GSG1L: variants seen among roughly 807,000 people sequenced by gnomAD.
GSG1L encodes the protein GSG1 like.
GSG1L carries 24 observed loss-of-function variants against 42.1 expected under a neutral mutation model. The observed-to-expected ratio is 0.57, with a 90% CI of 0.41 to 0.80. The LOEUF (loss-of-function observed/expected upper bound fraction) is 0.80, where lower values mean the gene tolerates loss of function less well. Ranked by LOEUF, GSG1L falls within the 30% of genes least tolerant of loss-of-function variation. GSG1L has a pLI of 0.00. For synonymous variants in GSG1L, 215 were observed against 203.5 expected, an observed-to-expected ratio of 1.06 and a Z score of -0.48; for missense variants, 445 against 472.2, an observed-to-expected ratio of 0.94 and a Z score of 0.53.
chr16:27,968,176 T>C (rs1440042581), intron 1 of GSG1L, among the ~76,000 whole-genome samples: 2 of 152,170 alleles, frequency 1.3e-5, no homozygotes, highest in Non-Finnish European at 2.9e-5. Context: ...ATATTAAGTA[T>C]TAAGCATTTT....
At chr16:27,870,403 A>T (rs1424108333) in intron 3 of GSG1L, among the ~76,000 whole-genome samples, 1 of 109,450 alleles carries the variant, frequency 9.1e-6, no homozygotes, top group Non-Finnish European at 2.0e-5. Flanking sequence ...GTCTCCCTCC[A>T]TCTCTCTCTC....
rs936539069 is a variant in GSG1L, at chr16:27,946,163, G to A, written c.397+16993C>T. The stretch of plus-strand genomic sequence containing the variant: ...TACGTCACTTTGCTGTGTGACCTCA[G>A]GCAAGTGGCTCAACTTCTCTGAGTC... On this transcript the variant is annotated intron_variant, in intron 2 of 6. Coordinates refer to ENST00000447459, the MANE Select transcript of GSG1L (RefSeq NM_001109763.2). Among the ~76,000 whole-genome samples the A allele has an allele frequency of 5.9e-5, 9 of 152,338 alleles. No homozygotes were observed. In the Middle Eastern group the frequency reaches 0.01, roughly 173 times the overall value.
intron 2 of GSG1L, among the ~76,000 whole-genome samples, chr16:27,907,884 C>A (rs569487714): frequency 5.3e-5 from 8 of 152,300 alleles, no homozygotes; most frequent in African/African-American, 1.7e-4. Flanking sequence ...TTCCCATTGG[C>A]CCACTCTTGC....
At chr16:27,808,904 A>G (rs567805757) in intron 5 of GSG1L, among the ~76,000 whole-genome samples, 18 of 152,310 alleles carry the variant, frequency 1.2e-4, no homozygotes, top group African/African-American at 4.3e-4. Context: ...CAGTGGAGGC[A>G]GGTGCATGGC....
intron 4 of GSG1L, among the ~76,000 whole-genome samples, chr16:27,832,200 T>G (rs1363559646): frequency 6.6e-6 from 1 of 152,214 alleles, no homozygotes; most frequent in Non-Finnish European, 1.5e-5. Flanking sequence ...CACAAACAGC[T>G]GTAAGAAATG....
chr16:28,027,191 A>G (rs2085909270), intron 1 of GSG1L, among the ~76,000 whole-genome samples: 1 of 152,224 alleles, frequency 6.6e-6, no homozygotes, highest in Admixed American at 6.5e-5. Flanking sequence ...TTCTGGAAAC[A>G]TATGCCATGT....
intron 1 of GSG1L, among the ~76,000 whole-genome samples, chr16:28,048,428 G>A (rs1399235310): frequency 6.6e-6 from 1 of 151,880 alleles, no homozygotes; most frequent in Non-Finnish European, 1.5e-5. Flanking sequence ...ATAAGACAAG[G>A]CACTGGGATT....
chr16:27,870,155 TTCTC>T (rs1237093441), intron 3 of GSG1L, among the ~76,000 whole-genome samples: 24 of 117,544 alleles, frequency 2.0e-4, no homozygotes, highest in South Asian at 3.1e-4. Flanking sequence ...CTCTCTTTCC[TTCTC>T]TCTCTGTCTC....
chr16:27,850,352 T>A (rs1433475571), intron 3 of GSG1L: 1 of 364,354 alleles, frequency 2.7e-6, no homozygotes, highest in African/African-American at 2.1e-5. Flanking sequence ...ATATCTAAGC[T>A]GGGATAGCAA....
intron 2 of GSG1L, among the ~76,000 whole-genome samples, chr16:27,892,152 A>C (rs2084136141): frequency 6.6e-6 from 1 of 152,050 alleles, no homozygotes; most frequent in South Asian, 2.1e-4. Flanking sequence ...TCCCATTTTT[A>C]AATGTACATG....
chr16:27,995,883 AACACACACACACAC>A (rs3033625), intron 1 of GSG1L, among the ~76,000 whole-genome samples: 71 of 145,320 alleles, frequency 4.9e-4, no homozygotes, highest in South Asian at 9.0e-4. Context: ...TACTGATTAA[AACACACACACACAC>A]ACACACACAC....
intron 5 of GSG1L, among the ~76,000 whole-genome samples, chr16:27,826,311 G>A (rs1437662046): frequency 6.6e-6 from 1 of 152,138 alleles, no homozygotes; most frequent in East Asian, 1.9e-4. Flanking sequence ...CTTCTCTTCT[G>A]ACTGAAACCC....
chr16:27,844,869 C>CCCCCCCCCCCCCCCG, intron 4 of GSG1L, 81 bp downstream of exon 4: 1 of 479,078 alleles, frequency 2.1e-6, no homozygotes, highest in Non-Finnish European at 3.8e-6. Context: ...GCCCCCCACC[C>CCCCCCCCCCCCCCCG]CACTGGGCTG....
intron 3 of GSG1L, among the ~76,000 whole-genome samples, chr16:27,866,853 T>C (rs2083732866): frequency 6.6e-6 from 1 of 152,144 alleles, no homozygotes; most frequent in Non-Finnish European, 1.5e-5. Flanking sequence ...ATTACAAGCA[T>C]GAGCCACCGA....
chr16:28,063,217 C>G lies in GSG1L; in HGVS notation c.208G>C (p.Ala70Pro), dbSNP rs2086365091. ...CCCGAGGCGGTGGCGGCGGCGGCGG[C>G]GGCGGCGGGGGCGGCGGTGCCGTTG... ...TANGTAAPAAAAAAATASGNG... is the reference protein window; with the variant it reads ...TANGTAAPAAPAAAATASGNG... Residue 70 changes from alanine to proline, a missense_variant, in exon 1 of 7, where the codon GCC becomes CCC. Coordinates refer to ENST00000447459, the MANE Select transcript of GSG1L (RefSeq NM_001109763.2). The surrounding 1 kb of genome is among the most constrained non-coding windows in gnomAD (Gnocchi z 5.8). 1.0e-5 allele frequency: 13 copies of G among 1,261,062 alleles called. No individual in the cohort carries two copies. The highest frequency in any genetic ancestry group is 1.3e-5 in the Non-Finnish European group (13 of 1,007,718). The allele number at this position is 1,261,062 out of a possible 1,614,324, so 78.1% of individuals were successfully genotyped here.
intron 1 of GSG1L, among the ~76,000 whole-genome samples, chr16:28,035,568 T>A (rs1298716082): frequency 1.3e-5 from 2 of 152,158 alleles, no homozygotes. Context: ...TAATAAAATA[T>A]CGGGAAGCAC....
At chr16:28,021,803 A>T (rs1301962485) in intron 1 of GSG1L, among the ~76,000 whole-genome samples, 1 of 152,164 alleles carries the variant, frequency 6.6e-6, no homozygotes, top group Non-Finnish European at 1.5e-5. Flanking sequence ...TAGCAGAGCA[A>T]TGACTGGCAT....
At chr16:28,035,543 G>A (rs1365285789) in intron 1 of GSG1L, among the ~76,000 whole-genome samples, 2 of 152,094 alleles carry the variant, frequency 1.3e-5, no homozygotes, top group Non-Finnish European at 2.9e-5. Flanking sequence ...GGGCTGTACC[G>A]GGACCATGTT....
chr16:27,888,498 TCTTTCTTTCTTTCTTTCTTTC>T lies in GSG1L; in HGVS notation c.398-3881_398-3861del, dbSNP rs2084074337. Among the ~76,000 whole-genome samples the T allele has an allele frequency of 3.0e-4, 2 of 6,696 alleles. 1 individual carries two copies. Among genetic ancestry groups the T allele is most frequent in the Non-Finnish European group, 7.8e-4 (2 of 2,554 alleles). 4.4% of individuals were successfully genotyped at this position (6,696 alleles called of 152,430 possible). ...TCTCTCTTTCCTTTCTTTCTTTCTT[TCTTTCTTTCTTTCTTTCTTTC>T]TTTCTTTCTTTCTTTCTTTCTTTCT... On this transcript the variant is annotated intron_variant, in intron 2 of 6. Transcript: ENST00000447459.
Sources: gnomAD v4.1 joint callset for allele counts (sites outside exome capture counted in the v4.1 genomes callset) on GRCh38, gnomAD v4.1.1 for gene constraint, Gnocchi (gnomAD v3.1) non-coding constraint, MANE v1.5 for transcripts, NCBI Gene and HGNC (gene_info 2026-07-23, HGNC 2026-07-21) for gene names.